SH3RF1: variants seen among roughly 807,000 people sequenced by gnomAD.
SH3RF1 encodes the protein SH3 domain containing ring finger 1, also known as E3 ubiquitin-protein ligase SH3RF1.
A neutral mutation model predicts 74.0 loss-of-function variants in SH3RF1; 32 were observed. That is an observed-to-expected ratio of 0.43 (90% CI 0.33 to 0.58). The LOEUF is 0.58. SH3RF1 is among the 20% of genes least tolerant of loss of function. The probability of loss-of-function intolerance (pLI) is 0.05; values close to 1 mark genes in which losing one functional copy is unlikely to be tolerated. For missense variants in SH3RF1, 954 were observed against 1,130.9 expected (o/e 0.84, Z 2.24); for synonymous variants, 396 against 439.6 (o/e 0.90, Z 1.24).
chr4:169,233,993 C>T (rs1397119149), intron 2 of SH3RF1, among the ~76,000 whole-genome samples: 1 of 152,302 alleles, frequency 6.6e-6, no homozygotes, highest in Non-Finnish European at 1.5e-5. Flanking sequence ...TTCTGATTCA[C>T]AGCTGAAAAG....
chr4:169,226,447 G>T (rs1349657614), intron 2 of SH3RF1, among the ~76,000 whole-genome samples: 1 of 150,760 alleles, frequency 6.6e-6, no homozygotes, highest in East Asian at 1.9e-4. Context: ...CAAAATACAT[G>T]GAATGTTATA....
chr4:169,255,819 G>C (rs1189387271), intron 2 of SH3RF1, among the ~76,000 whole-genome samples: 2 of 151,618 alleles, frequency 1.3e-5, no homozygotes, highest in Non-Finnish European at 2.9e-5. Flanking sequence ...CCAGGCTAGA[G>C]TGCAGTGGCG....
chr4:169,102,915 C>CTTTTTT (rs66574732), intron 11 of SH3RF1, among the ~76,000 whole-genome samples: 1,088 of 66,856 alleles, frequency 0.016, 37 homozygotes, highest in Non-Finnish European at 0.02. Context: ...CAGTCACATT[C>CTTTTTT]TTTTTTTTTT....
At chr4:169,172,410 CCTTT>C (rs1374591989) in intron 2 of SH3RF1, among the ~76,000 whole-genome samples, 5 of 152,268 alleles carry the variant, frequency 3.3e-5, no homozygotes, top group East Asian at 1.9e-4. Flanking sequence ...CTTTCTTCTT[CCTTT>C]ATCATGTAAC....
intron 4 of SH3RF1, among the ~76,000 whole-genome samples, chr4:169,141,812 CT>C (rs35864108): frequency 2.1e-3 from 248 of 118,500 alleles, no homozygotes; most frequent in African/African-American, 4.1e-3. Flanking sequence ...CTAATTTTTG[CT>C]TTTTTTTTTT....
At chr4:169,240,556 A>G (rs1730892217) in intron 2 of SH3RF1, among the ~76,000 whole-genome samples, 1 of 152,288 alleles carries the variant, frequency 6.6e-6, no homozygotes, top group East Asian at 1.9e-4. Flanking sequence ...TAAAGATACC[A>G]ACGTGTATTA....
intron 9 of SH3RF1, 134 bp from the exon 10 acceptor site, chr4:169,116,764 G>T: frequency 8.2e-7 from 1 of 1,224,496 alleles, no homozygotes; most frequent in Non-Finnish European, 1.1e-6. Flanking sequence ...AAGATGGGAT[G>T]GACGGTGGCC....
At chr4:169,107,946 A>C (rs1733174179) in intron 10 of SH3RF1, among the ~76,000 whole-genome samples, 1 of 151,166 alleles carries the variant, frequency 6.6e-6, no homozygotes, top group Admixed American at 6.6e-5. Context: ...TATACAAATA[A>C]GCGTGTTTTT....
rs1731367805 is a variant in SH3RF1 at position 169,267,174 on chromosome 4, CA to C, written c.393+1645del. 2.0e-5 allele frequency among the ~76,000 whole-genome samples: 3 copies of C among 152,236 alleles called. No homozygotes were observed. In the South Asian group the frequency reaches 6.2e-4, roughly 32 times the overall value. On this transcript the variant is annotated intron_variant, in intron 2 of 11. Coordinates refer to ENST00000284637, the MANE Select transcript of SH3RF1 (RefSeq NM_020870.4). Reference sequence around the variant, plus strand: ...CATGTTAGCAAGAAAACTTAAAATTCAAAAGACATTAAGTTGAGTGTTTGAG... The same window carrying C: ...CATGTTAGCAAGAAAACTTAAAATTCAAAGACATTAAGTTGAGTGTTTGAG...
chr4:169,121,883 C>T (rs1270823041), intron 7 of SH3RF1, among the ~76,000 whole-genome samples: 5 of 152,186 alleles, frequency 3.3e-5, no homozygotes, highest in Admixed American at 3.3e-4. Flanking sequence ...CAGTTTCATA[C>T]CCATATAATA....
chr4:169,177,763 G>C lies in SH3RF1; in HGVS notation c.394-21084C>G, dbSNP rs187364978. 8.3e-4 allele frequency among the ~76,000 whole-genome samples: 127 copies of C among 152,166 alleles called. 1 individual carries two copies. Among genetic ancestry groups the C allele is most frequent in the Admixed American group, 2.6e-4 (4 of 15,282 alleles). The stretch of plus-strand genomic sequence containing the variant: ...TGTAAACAAGTTTCCATAAAGTTTA[G>C]AGGTTAAAAGATAGAGGAAAGATCT... On this transcript the variant is annotated intron_variant, in intron 2 of 11. Transcript: ENST00000284637.
chr4:169,159,025 G>C (rs1354537039), intron 2 of SH3RF1, among the ~76,000 whole-genome samples: 1 of 152,160 alleles, frequency 6.6e-6, no homozygotes, highest in Non-Finnish European at 1.5e-5. Context: ...GAGCCTTCCA[G>C]AGTAATGACA....
Position 169,258,978 on chromosome 4 carries a change from T to G in SH3RF1, c.393+9842A>C, listed in dbSNP as rs184116142. On this transcript the variant is annotated intron_variant, in intron 2 of 11. Transcript: ENST00000284637. ...GGATATTTGTATCCCACACTGACAC[T>G]CTTACTTACATTGCTACGGTATTAT... Among the ~76,000 whole-genome samples the G allele has an allele frequency of 2.0e-5, 3 of 152,208 alleles. No homozygotes were observed. The East Asian group carries it at 5.8e-4, about 29-fold the overall frequency.
intron 2 of SH3RF1, among the ~76,000 whole-genome samples, chr4:169,163,084 G>A (rs147774891): frequency 7.2e-6 from 1 of 139,298 alleles, no homozygotes; most frequent in Admixed American, 7.7e-5. Flanking sequence ...ATGGTTTCGG[G>A]GGCAAGGTAG....
At chr4:169,115,082 A>T (rs1733308949) in intron 10 of SH3RF1, among the ~76,000 whole-genome samples, 1 of 152,154 alleles carries the variant, frequency 6.6e-6, no homozygotes, top group Non-Finnish European at 1.5e-5. Context: ...CCTGTCTCTA[A>T]ACCCAACCAT....
At chr4:169,249,378 C>T (rs1731060658) in intron 2 of SH3RF1, among the ~76,000 whole-genome samples, 1 of 152,242 alleles carries the variant, frequency 6.6e-6, no homozygotes, top group Admixed American at 6.5e-5. Flanking sequence ...TTCCTCCCCT[C>T]CAGAGGAACC....
rs555517963 is a variant in SH3RF1, at chr4:169,204,852, C to T, written c.394-48173G>A. ...GCGTGAGCCACTGAGCCCCGGCCAC[C>T]TTCTCCTTTTGAAGAGTCTGAGCTC... On this transcript the variant is annotated intron_variant, in intron 2 of 11. Transcript: ENST00000284637. Among the ~76,000 whole-genome samples the T allele has an allele frequency of 2.0e-5, 3 of 152,202 alleles. No individual in the cohort carries two copies. The East Asian group carries it at 5.8e-4, about 29-fold the overall frequency.
Position 169,130,033 on chromosome 4 carries a change from A to G in SH3RF1, c.1179+13T>C. Reference sequence around the variant, plus strand: ...CCTAAAAGAGAAATAAAAATGGGAGAAACTATACTCACTCCAAGGGCAGCT... The same window carrying G: ...CCTAAAAGAGAAATAAAAATGGGAGGAACTATACTCACTCCAAGGGCAGCT... On this transcript the variant is annotated intron_variant, in intron 6 of 11. Coordinates refer to ENST00000284637, the MANE Select transcript of SH3RF1 (RefSeq NM_020870.4). 1.9e-6 allele frequency: 3 copies of G among 1,605,078 alleles called. No individual in the cohort carries two copies. In the South Asian group the frequency reaches 3.3e-5, roughly 18 times the overall value.
At chr4:169,270,161 G>C (rs1731423082) in intron 1 of SH3RF1, among the ~76,000 whole-genome samples, 1 of 152,246 alleles carries the variant, frequency 6.6e-6, no homozygotes, top group African/African-American at 2.4e-5. Context: ...GAGAACGGGA[G>C]TAAAAAGATT....
Sources: gnomAD v4.1 joint callset for allele counts (sites outside exome capture counted in the v4.1 genomes callset) on GRCh38, gnomAD v4.1.1 for gene constraint, MANE v1.5 for transcripts, NCBI Gene and HGNC (gene_info 2026-07-23, HGNC 2026-07-21) for gene names.